Variants in DGKB observed in about 807,000 individuals in gnomAD.
DGKB encodes diacylglycerol kinase beta, also known as 90 kDa diacylglycerol kinase.
A neutral mutation model predicts 114.3 loss-of-function variants in DGKB; 67 were observed. The observed-to-expected ratio is 0.59, with a 90% CI of 0.48 to 0.72. The LOEUF is 0.72. Among genes scored for constraint, DGKB ranks in the 30% least tolerant of loss-of-function variants. DGKB has a pLI of 0.00. For missense variants in DGKB, 907 were observed against 975.2 expected (o/e 0.93, Z 0.93); for synonymous variants, 398 against 323.1 (o/e 1.23, Z -2.49).
chr7:14,954,672 C>A (rs1257203339), intron 1 of DGKB, among the ~76,000 whole-genome samples: 1 of 151,642 alleles, frequency 6.6e-6, no homozygotes, highest in African/African-American at 2.4e-5. Flanking sequence ...ATGCATTCTG[C>A]AGGAAGAACA....
At chr7:14,475,202 T>C (rs1308395696) in intron 21 of DGKB, among the ~76,000 whole-genome samples, 1 of 152,140 alleles carries the variant, frequency 6.6e-6, no homozygotes, top group Admixed American at 6.6e-5. Flanking sequence ...ACAAGAGATC[T>C]GATCTGAAAT....
At chr7:14,760,543 C>T (rs2128453035) in intron 2 of DGKB, among the ~76,000 whole-genome samples, 1 of 152,172 alleles carries the variant, frequency 6.6e-6, no homozygotes, top group Admixed American at 6.5e-5. Flanking sequence ...TCTAAGTTAG[C>T]AGAACTGCTT....
At chr7:14,973,527 GTTTTTTTTTTC>G (rs1489274719) in intron 1 of DGKB, among the ~76,000 whole-genome samples, 1,402 of 137,298 alleles carry the variant, frequency 0.01, 21 homozygotes, top group African/African-American at 0.036. Flanking sequence ...TTGTTTTTTT[GTTTTTTTTTTC>G]TTTTTTTTTT....
At chr7:14,164,957 G>C (rs1265822251) in intron 25 of DGKB, among the ~76,000 whole-genome samples, 2 of 152,128 alleles carry the variant, frequency 1.3e-5, no homozygotes, top group Non-Finnish European at 2.9e-5. Context: ...CAGGTTTTAG[G>C]ACTAGGAAAA....
chr7:14,251,504 A>G (rs535517318), intron 23 of DGKB, among the ~76,000 whole-genome samples: 2 of 152,076 alleles, frequency 1.3e-5, no homozygotes, highest in Non-Finnish European at 2.9e-5. Context: ...TTTGTCTATT[A>G]ACTTTTAGAC....
intron 23 of DGKB, among the ~76,000 whole-genome samples, chr7:14,213,705 T>A (rs188836784): frequency 2.6e-5 from 4 of 152,146 alleles, no homozygotes; most frequent in Non-Finnish European, 5.9e-5. Context: ...TTATTCTGGT[T>A]GCTGTTATTG....
chr7:14,765,604 G>T (rs1159144406), intron 2 of DGKB, among the ~76,000 whole-genome samples: 1 of 151,802 alleles, frequency 6.6e-6, no homozygotes, highest in Non-Finnish European at 1.5e-5. Flanking sequence ...CAAAATATTT[G>T]TAAGAGTCAT....
intron 21 of DGKB, among the ~76,000 whole-genome samples, chr7:14,437,757 T>C (rs1442494001): frequency 6.7e-6 from 1 of 150,308 alleles, no homozygotes; most frequent in Non-Finnish European, 1.5e-5. Flanking sequence ...CCCTACTTAC[T>C]CTATAACCCC....
intron 1 of DGKB, among the ~76,000 whole-genome samples, chr7:14,857,279 T>TGTGTGTGTG (rs1586950183): frequency 1.3e-5 from 2 of 151,408 alleles, no homozygotes; most frequent in African/African-American, 2.4e-5. Flanking sequence ...TGTGTGTGTG[T>TGTGTGTGTG]TGCTGGCACT....
rs913888440 is a variant in DGKB at position 14,280,260 on chromosome 7, G to A, written c.2122+58255C>T. 3.9e-5 allele frequency among the ~76,000 whole-genome samples: 6 copies of A among 152,182 alleles called. No homozygotes were observed. In the East Asian group the frequency reaches 1.2e-3, roughly 30 times the overall value. ...CGATCAACTGGAAGAAAGGGTATCA[G>A]CAATGGAAGATGAAATGAATGAAAT... On this transcript the variant is annotated intron_variant, in intron 23 of 25. Coordinates refer to ENST00000402815, the MANE Select transcript of DGKB (RefSeq NM_001350709.2).
chr7:14,663,349 C>G (rs1476180282), intron 13 of DGKB, among the ~76,000 whole-genome samples: 1 of 151,970 alleles, frequency 6.6e-6, no homozygotes, highest in Non-Finnish European at 1.5e-5. Flanking sequence ...TATCAATAGA[C>G]TTAGTTCAAA....
At chr7:14,431,127 G>A (rs923282011) in intron 21 of DGKB, among the ~76,000 whole-genome samples, 5 of 152,128 alleles carry the variant, frequency 3.3e-5, no homozygotes, top group Admixed American at 3.3e-4. Context: ...TTGCCTCCGG[G>A]TTTTCTCTTT....
rs1799889276 is a variant in DGKB, at chr7:14,281,170, A to G, written c.2122+57345T>C. ...AAAATAAAAGGATGGAGGAAGATCT[A>G]CCAAGCAAATGGAGAACAAAAACAG... On this transcript the variant is annotated intron_variant, in intron 23 of 25. Transcript: ENST00000402815. Among the ~76,000 whole-genome samples the G allele has an allele frequency of 2.0e-5, 3 of 151,468 alleles. No individual in the cohort carries two copies. The Middle Eastern group carries it at 0.01, about 515-fold the overall frequency.
chr7:14,598,822 C>T (rs986578250), intron 17 of DGKB, among the ~76,000 whole-genome samples: 12 of 152,210 alleles, frequency 7.9e-5, no homozygotes, highest in Non-Finnish European at 1.5e-4. Flanking sequence ...TAAAACTGCT[C>T]ATGCTCTTTT....
intron 20 of DGKB, among the ~76,000 whole-genome samples, chr7:14,555,742 C>T (rs967544935): frequency 6.6e-6 from 1 of 152,184 alleles, no homozygotes; most frequent in African/African-American, 2.4e-5. Context: ...GTAAAGAAGC[C>T]GGCCAAAACC....
intron 9 of DGKB, among the ~76,000 whole-genome samples, chr7:14,689,079 G>A (rs965033296): frequency 6.6e-6 from 1 of 151,122 alleles, no homozygotes; most frequent in Non-Finnish European, 1.5e-5. Context: ...AGAGAGAGAG[G>A]AGCTAATGTT....
chr7:14,590,753 G>T (rs1040455177), intron 17 of DGKB, among the ~76,000 whole-genome samples: 2 of 152,060 alleles, frequency 1.3e-5, no homozygotes, highest in Admixed American at 6.6e-5. Context: ...CACGTGGTTT[G>T]TTGGGCTCTT....
At chr7:14,502,096 C>T (rs985017846) in intron 20 of DGKB, among the ~76,000 whole-genome samples, 3 of 151,918 alleles carry the variant, frequency 2.0e-5, no homozygotes, top group African/African-American at 7.2e-5. Flanking sequence ...AAGAGGAAGT[C>T]TATTTATCTT....
At chr7:14,912,185 T>A (rs781548072) in intron 1 of DGKB, among the ~76,000 whole-genome samples, 1 of 152,178 alleles carries the variant, frequency 6.6e-6, no homozygotes, top group Non-Finnish European at 1.5e-5. Flanking sequence ...TTCTAAAGTA[T>A]GCAAAGCTGT....
Sources: allele counts gnomAD v4.1 joint callset (sites outside exome capture counted in the v4.1 genomes callset), GRCh38; gene constraint gnomAD v4.1.1; transcripts MANE v1.5; gene names NCBI Gene and HGNC (gene_info 2026-07-23, HGNC 2026-07-21).